Variants in MAP3K3 observed in about 807,000 individuals in gnomAD.
MAP3K3 encodes MAP/ERK kinase kinase 3.
A neutral mutation model predicts 80.9 loss-of-function variants in MAP3K3; 12 were observed. The ratio of observed to expected loss-of-function variants is 0.15; its 90% CI spans 0.10 to 0.24. MAP3K3 has a LOEUF of 0.24. Among genes scored for constraint, MAP3K3 ranks in the 10% least tolerant of loss-of-function variants. The pLI is 1.00. For synonymous variants in MAP3K3, 272 were observed against 307.1 expected (o/e 0.89, Z 1.19); for missense variants, 596 against 834.7 (o/e 0.71, Z 3.52).
intron 5 of MAP3K3, among the ~76,000 whole-genome samples, chr17:63,659,045 T>G (rs1053429590): frequency 6.6e-6 from 1 of 151,960 alleles, no homozygotes; most frequent in African/African-American, 2.4e-5. Context: ...CATTTTTTAA[T>G]TTTTTTAGTA....
In MAP3K3 at chr17:63,685,607, G is replaced by A; in HGVS notation, c.710+17G>A. The A allele has an allele frequency of 6.2e-7, 1 of 1,611,464 alleles. No homozygotes were observed. Among genetic ancestry groups the A allele is most frequent in the Non-Finnish European group, 8.5e-7 (1 of 1,177,610 alleles). ...AGCAGACAGGTATGGGACTGTGGGT[G>A]GTTTGGAGGGTAATGCATAGGCATT... is the stretch of plus-strand genomic sequence containing the variant. On this transcript the variant is annotated intron_variant, in intron 8 of 15. Transcript: ENST00000361733.
intron 6 of MAP3K3, among the ~76,000 whole-genome samples, chr17:63,677,511 G>T (rs151256217): frequency 2.6e-5 from 4 of 152,210 alleles, no homozygotes; most frequent in Non-Finnish European, 4.4e-5. Flanking sequence ...TTGTGTTACA[G>T]TAGCAAGGGA....
In MAP3K3 at chr17:63,689,269, C is replaced by T. The variant is rs2035530546; in HGVS notation, c.872-275C>T. ...ATTGGGAGCCTGTTGGCCAGCCATACACCTTCCCTTTGGCCAGATCTCCCT... is the reference window on the plus strand; with the variant it reads ...ATTGGGAGCCTGTTGGCCAGCCATATACCTTCCCTTTGGCCAGATCTCCCT... On this transcript the variant is annotated intron_variant, in intron 10 of 15. Coordinates refer to ENST00000361733, the MANE Select transcript of MAP3K3 (RefSeq NM_002401.5). This position sits in a 1 kb window ranked among gnomAD's most constrained non-coding sequence, Gnocchi z 4.3. 3.7e-6 allele frequency: 2 copies of T among 545,102 alleles called. No homozygotes were observed. Among genetic ancestry groups the T allele is most frequent in the Non-Finnish European group, 6.5e-6 (2 of 305,500 alleles). The allele number at this position is 545,102 out of a possible 1,614,324, so 33.8% of individuals were successfully genotyped here.
chr17:63,668,832 G>A (rs942344741), intron 6 of MAP3K3, among the ~76,000 whole-genome samples: 1 of 152,182 alleles, frequency 6.6e-6, no homozygotes, highest in Admixed American at 6.5e-5. Context: ...AAAGCATTAA[G>A]TACCAGCTGT....
chr17:63,692,524 C>G lies in MAP3K3; in HGVS notation c.1652+105C>G. ...TGTGGTGTGGCAGGAGGGAGTGTGC[C>G]CAGGGCCCAGGCTGCAGTGTGTGCA... On this transcript the variant is annotated intron_variant, in intron 15 of 15. Coordinates refer to ENST00000361733, the MANE Select transcript of MAP3K3 (RefSeq NM_002401.5). The surrounding 1 kb of genome is among the most constrained non-coding windows in gnomAD (Gnocchi z 4.5). 8.3e-7 allele frequency: 1 copy of G among 1,205,454 alleles called. No individual in the cohort carries two copies. The highest frequency in any genetic ancestry group is 1.1e-6 in the Non-Finnish European group (1 of 876,120). The allele number at this position is 1,205,454 out of a possible 1,614,324, so 74.7% of individuals were successfully genotyped here.
intron 3 of MAP3K3, 39 bp from the exon 4 acceptor site, chr17:63,652,518 G>A (rs745827023): frequency 7.5e-7 from 1 of 1,325,868 alleles, no homozygotes; most frequent in Non-Finnish European, 1.1e-6. Context: ...TACGTTTTAA[G>A]TATACAATTA....
At chr17:63,690,050 AC>A (rs2035551535) in intron 11 of MAP3K3, 3 of 606,130 alleles carry the variant, frequency 4.9e-6, no homozygotes, top group Non-Finnish European at 8.7e-6. Context: ...TTTAACCATG[AC>A]TTCAGCCAAT....
At chr17:63,648,742 G>A (rs1043371930) in intron 3 of MAP3K3, among the ~76,000 whole-genome samples, 4 of 152,174 alleles carry the variant, frequency 2.6e-5, no homozygotes, top group Non-Finnish European at 5.9e-5. Flanking sequence ...TTGAACCTGG[G>A]AGGTGGAAGT....
chr17:63,671,059 A>C (rs992015882), intron 6 of MAP3K3, among the ~76,000 whole-genome samples: 1 of 152,186 alleles, frequency 6.6e-6, no homozygotes, highest in Non-Finnish European at 1.5e-5. Flanking sequence ...AGGGAACTGC[A>C]TTAGGCTAAT....
At chr17:63,679,780 G>A (rs1406562180) in intron 6 of MAP3K3, among the ~76,000 whole-genome samples, 1 of 152,186 alleles carries the variant, frequency 6.6e-6, no homozygotes, top group Non-Finnish European at 1.5e-5. Flanking sequence ...CCACACATGA[G>A]TTTTTGAGCA....
At chr17:63,635,932 A>G (rs546282270) in intron 2 of MAP3K3, among the ~76,000 whole-genome samples, 25 of 152,216 alleles carry the variant, frequency 1.6e-4, no homozygotes, top group Non-Finnish European at 3.4e-4. Context: ...GAAAGAAGCT[A>G]AGCATTTTGG....
chr17:63,635,646 A>G (rs1265048675), intron 2 of MAP3K3, among the ~76,000 whole-genome samples: 3 of 152,238 alleles, frequency 2.0e-5, no homozygotes, highest in Non-Finnish European at 4.4e-5. Flanking sequence ...ATAGCCTAGT[A>G]TAATGAAAGG....
chr17:63,629,963 A>G (rs2034182192), intron 1 of MAP3K3, among the ~76,000 whole-genome samples: 1 of 152,222 alleles, frequency 6.6e-6, no homozygotes, highest in African/African-American at 2.4e-5. Flanking sequence ...TGACTTGAAA[A>G]GTGGTGTGTG....
chr17:63,632,743 C>T lies in MAP3K3; in HGVS notation c.67C>T (p.His23Tyr), dbSNP rs1421945598. The T allele has an allele frequency of 6.2e-7, 1 of 1,614,108 alleles. No homozygotes were observed. The highest frequency in any genetic ancestry group is 1.7e-5 in the Admixed American group (1 of 60,010). The change falls in exon 2 of 16, where the codon CAC becomes TAC. Residue 23 changes from histidine (H) to tyrosine (Y), a missense_variant. By Grantham distance (83) the His-to-Tyr change is moderately conservative (BLOSUM62 2). Transcript: ENST00000361733. ...GGTGGCCCTCCAGATGAACCGACGT[C>T]ACCGGATGCCTGGATATGAGACCAT... ...DLVALQMNRRHRMPGYETMKN... is the reference protein window; with the variant it reads ...DLVALQMNRRYRMPGYETMKN...
intron 7 of MAP3K3, among the ~76,000 whole-genome samples, chr17:63,683,963 C>T (rs1252018813): frequency 6.6e-6 from 1 of 151,848 alleles, no homozygotes; most frequent in Non-Finnish European, 1.5e-5. Flanking sequence ...TCAAGACCAG[C>T]CTGGGCAACA....
rs1243706592 is a variant in MAP3K3, at chr17:63,689,257, T to G, written c.872-287T>G. 1.3e-5 allele frequency: 7 copies of G among 534,812 alleles called. No homozygotes were observed. Among genetic ancestry groups the G allele is most frequent in the Non-Finnish European group, 2.3e-5 (7 of 300,116 alleles). The allele number at this position is 534,812 out of a possible 1,614,324, so 33.1% of individuals were successfully genotyped here. A position where few individuals can be genotyped will look rare whatever the true frequency, so the allele number is the denominator to read the frequency against. On this transcript the variant is annotated intron_variant, in intron 10 of 15. Transcript: ENST00000361733. This position sits in a 1 kb window ranked among gnomAD's most constrained non-coding sequence, Gnocchi z 4.3. ...GCCTTGCAAGCAATTGGGAGCCTGT[T>G]GGCCAGCCATACACCTTCCCTTTGG...
intron 4 of MAP3K3, among the ~76,000 whole-genome samples, chr17:63,655,296 A>T (rs1388046988): frequency 6.6e-6 from 1 of 152,150 alleles, no homozygotes; most frequent in African/African-American, 2.4e-5. Context: ...CCCGTGATTC[A>T]GTTACCTCCC....
chr17:63,633,468 A>ATAAT (rs2034259175), intron 2 of MAP3K3, among the ~76,000 whole-genome samples: 1 of 152,246 alleles, frequency 6.6e-6, no homozygotes, highest in Admixed American at 6.5e-5. Flanking sequence ...TATGTAAAAT[A>ATAAT]TAATTAAGAA....
intron 1 of MAP3K3, among the ~76,000 whole-genome samples, chr17:63,632,079 A>G (rs1339507609): frequency 2.0e-5 from 3 of 151,840 alleles, no homozygotes; most frequent in East Asian, 3.9e-4. Flanking sequence ...TTTTTCATCT[A>G]TTTTTCCTGG....
Sources: allele counts gnomAD v4.1 joint callset (sites outside exome capture counted in the v4.1 genomes callset), GRCh38; gene constraint gnomAD v4.1.1; non-coding constraint Gnocchi (gnomAD v3.1); transcripts MANE v1.5; gene names NCBI Gene and HGNC (gene_info 2026-07-23, HGNC 2026-07-21).